PDSS2: variants seen among roughly 807,000 people sequenced by gnomAD.
PDSS2 encodes the protein decaprenyl diphosphate synthase subunit 2.
PDSS2 carries 31 observed loss-of-function variants against 44.5 expected under a neutral mutation model. That is an observed-to-expected ratio of 0.70 (90% CI 0.52 to 0.94). The LOEUF is 0.94. Among genes scored for constraint, PDSS2 ranks in the 40% least tolerant of loss-of-function variants. The pLI, the probability that PDSS2 is intolerant of heterozygous loss-of-function variation, is 0.00. For synonymous variants in PDSS2, 157 were observed against 180.3 expected (o/e 0.87, Z 1.03); for missense variants, 452 against 482.2 (o/e 0.94, Z 0.59).
At chr6:107,186,590 C>G (rs1351020134) in intron 7 of PDSS2, among the ~76,000 whole-genome samples, 1 of 152,150 alleles carries the variant, frequency 6.6e-6, no homozygotes, top group Non-Finnish European at 1.5e-5. Context: ...GACCCGCTCT[C>G]TAAGTTCCCT....
chr6:107,415,412 A>G (rs941929358), intron 1 of PDSS2, among the ~76,000 whole-genome samples: 1 of 152,148 alleles, frequency 6.6e-6, no homozygotes, highest in African/African-American at 2.4e-5. Flanking sequence ...GCATTATACC[A>G]AAAGTACTAG....
At chr6:107,351,003 G>A (rs999033813) in intron 1 of PDSS2, among the ~76,000 whole-genome samples, 1 of 151,962 alleles carries the variant, frequency 6.6e-6, no homozygotes, top group Non-Finnish European at 1.5e-5. Context: ...AGCAAAGGGG[G>A]AGAAACTAGG....
At chr6:107,440,675 G>C (rs1333432916) in intron 1 of PDSS2, among the ~76,000 whole-genome samples, 1 of 152,234 alleles carries the variant, frequency 6.6e-6, no homozygotes, top group Non-Finnish European at 1.5e-5. Flanking sequence ...GCTGGAAGCT[G>C]AGATTGCTAC....
chr6:107,253,677 T>C (rs966632741), intron 3 of PDSS2, among the ~76,000 whole-genome samples: 4 of 151,106 alleles, frequency 2.6e-5, no homozygotes, highest in Admixed American at 2.6e-4. Context: ...AATTGTGAGA[T>C]ACAGTAAAAA....
rs1782135910 is a variant in PDSS2 at position 107,458,648 on chromosome 6, T to TG, written c.296+341_296+342insC. On this transcript the variant is annotated intron_variant, in intron 1 of 7. Transcript: ENST00000369037. ...CGGGACAGAAAATTAATCTATCCCA[T>TG]TAAAAAAAAAAAAAATTTCTAGGAA... Among the ~76,000 whole-genome samples the TG allele has an allele frequency of 4.0e-5, 6 of 148,514 alleles. No homozygotes were observed. The Admixed American group carries it at 4.1e-4, about 10-fold the overall frequency.
At chr6:107,320,700 A>C (rs1475666770) in intron 2 of PDSS2, among the ~76,000 whole-genome samples, 1 of 152,214 alleles carries the variant, frequency 6.6e-6, no homozygotes, top group Non-Finnish European at 1.5e-5. Flanking sequence ...AATTATATAG[A>C]GCCCCACCAA....
At chr6:107,405,367 A>C (rs1780278311) in intron 1 of PDSS2, among the ~76,000 whole-genome samples, 1 of 151,998 alleles carries the variant, frequency 6.6e-6, no homozygotes, top group Non-Finnish European at 1.5e-5. Flanking sequence ...TTATAAAACA[A>C]TTACAAAAAG....
In PDSS2 at chr6:107,245,078, G is replaced by T. The variant is rs200334212; in HGVS notation, c.702+470C>A. On this transcript the variant is annotated intron_variant, in intron 4 of 7. Transcript: ENST00000369037. ...CAATCATCCCACTTCTTATAATAAA[G>T]AATCTAATAATGCAGTAAATTATGC... 4.6e-5 allele frequency among the ~76,000 whole-genome samples: 7 copies of T among 152,164 alleles called. No homozygotes were observed. The East Asian group carries it at 1.4e-3, about 29-fold the overall frequency.
At chr6:107,441,326 T>C (rs1220807870) in intron 1 of PDSS2, among the ~76,000 whole-genome samples, 1 of 152,188 alleles carries the variant, frequency 6.6e-6, no homozygotes, top group African/African-American at 2.4e-5. Flanking sequence ...GGCTAAGAAA[T>C]GTAATCTCTT....
chr6:107,349,892 C>CT (rs1398492686), intron 1 of PDSS2, among the ~76,000 whole-genome samples: 1 of 152,198 alleles, frequency 6.6e-6, no homozygotes, highest in Admixed American at 6.5e-5. Flanking sequence ...CAATAATGTC[C>CT]TTTATAACAA....
chr6:107,339,537 T>C (rs1778013296), intron 1 of PDSS2, among the ~76,000 whole-genome samples: 2 of 152,152 alleles, frequency 1.3e-5, no homozygotes, highest in South Asian at 4.1e-4. Context: ...TGGAAGAGAC[T>C]GGTAATAAAA....
chr6:107,345,695 G>T (rs1296543300), intron 1 of PDSS2, among the ~76,000 whole-genome samples: 1 of 152,050 alleles, frequency 6.6e-6, no homozygotes, highest in Non-Finnish European at 1.5e-5. Flanking sequence ...TAGATTTTTA[G>T]TAGGAAAAAT....
chr6:107,156,527 C>A (rs1770905025), intron 7 of PDSS2, among the ~76,000 whole-genome samples: 1 of 152,166 alleles, frequency 6.6e-6, no homozygotes, highest in African/African-American at 2.4e-5. Flanking sequence ...GAAACCCAGA[C>A]GTCTTCATTC....
intron 4 of PDSS2, among the ~76,000 whole-genome samples, chr6:107,242,420 T>C (rs9400109): frequency 0.76 from 115,492 of 151,942 alleles, 45,317 homozygotes; most frequent in East Asian, 1. Flanking sequence ...CCCGCCACTG[T>C]GCCCGCCTAA....
chr6:107,190,141 T>C (rs1772323317), intron 7 of PDSS2, among the ~76,000 whole-genome samples: 1 of 152,080 alleles, frequency 6.6e-6, no homozygotes, highest in African/African-American at 2.4e-5. Context: ...GTCACTCTTT[T>C]CCCTTATCTT....
intron 1 of PDSS2, among the ~76,000 whole-genome samples, chr6:107,364,770 G>GCCCT (rs1201735502): frequency 2.0e-5 from 3 of 152,252 alleles, no homozygotes; most frequent in Non-Finnish European, 4.4e-5. Flanking sequence ...CCGAGAACAA[G>GCCCT]CGAGGGCTCT....
At chr6:107,400,042 A>G (rs1420771378) in intron 1 of PDSS2, among the ~76,000 whole-genome samples, 1 of 152,092 alleles carries the variant, frequency 6.6e-6, no homozygotes, top group African/African-American at 2.4e-5. Flanking sequence ...CAGAAAACTG[A>G]TGTGAATTCC....
rs559842579 is a variant in PDSS2 at position 107,410,583 on chromosome 6, G to A, written c.296+48407C>T. Among the ~76,000 whole-genome samples the A allele has an allele frequency of 6.0e-4, 92 of 152,170 alleles. No individual in the cohort carries two copies. In the Middle Eastern group the frequency reaches 0.024, roughly 39 times the overall value. ...AGCCCACTGCAACCTCTGCCTCCCA[G>A]GTTCAGGTGATTCTCTGCTTCGGCC... On this transcript the variant is annotated intron_variant, in intron 1 of 7. Coordinates refer to ENST00000369037, the MANE Select transcript of PDSS2 (RefSeq NM_020381.4).
intron 1 of PDSS2, among the ~76,000 whole-genome samples, chr6:107,451,893 G>A (rs888865960): frequency 2.0e-5 from 3 of 152,292 alleles, no homozygotes; most frequent in East Asian, 1.9e-4. Flanking sequence ...TGTTGGGCCC[G>A]ATCACCTCAA....
Sources: allele counts gnomAD v4.1 joint callset (sites outside exome capture counted in the v4.1 genomes callset), GRCh38; gene constraint gnomAD v4.1.1; transcripts MANE v1.5; gene names NCBI Gene and HGNC (gene_info 2026-07-23, HGNC 2026-07-21).